Variants in SYNE3 observed in about 807,000 individuals in gnomAD.
The protein encoded by SYNE3 is nesprin-3.
In SYNE3, 100 loss-of-function variants were observed where a neutral mutation model predicts 111.2. The observed-to-expected ratio is 0.90, with a 90% CI of 0.77 to 1.06. SYNE3 has a LOEUF of 1.06. Among genes scored for constraint, SYNE3 ranks in the 50% least tolerant of loss-of-function variants. The probability of loss-of-function intolerance (pLI) is 0.00; values close to 1 mark genes in which losing one functional copy is unlikely to be tolerated. For synonymous variants in SYNE3, 547 were observed against 533.9 expected (o/e 1.02, Z -0.34); for missense variants, 1,160 against 1,240.3 (o/e 0.94, Z 0.97).
At chr14:95,427,299 A>C (rs1285343725) in intron 17 of SYNE3, among the ~76,000 whole-genome samples, 1 of 152,150 alleles carries the variant, frequency 6.6e-6, no homozygotes, top group African/African-American at 2.4e-5. Context: ...CACTTAGCAG[A>C]CTGGGAAACG....
intron 15 of SYNE3, among the ~76,000 whole-genome samples, chr14:95,434,999 A>G (rs1363298626): frequency 6.6e-6 from 1 of 152,210 alleles, no homozygotes; most frequent in Non-Finnish European, 1.5e-5. Flanking sequence ...GGCAAACACA[A>G]TGTCTAGCAC....
intron 4 of SYNE3, among the ~76,000 whole-genome samples, chr14:95,457,763 C>CT (rs926927205): frequency 6.6e-6 from 1 of 152,186 alleles, no homozygotes; most frequent in African/African-American, 2.4e-5. Flanking sequence ...CTCCTGACCA[C>CT]TCCATAAGGG....
chr14:95,458,029 C>T (rs921626008), intron 4 of SYNE3, among the ~76,000 whole-genome samples: 1 of 152,178 alleles, frequency 6.6e-6, no homozygotes, highest in African/African-American at 2.4e-5. Context: ...TTCAGCCAGT[C>T]CCACCAAAGG....
intron 17 of SYNE3, among the ~76,000 whole-genome samples, chr14:95,418,774 T>C (rs1212558526): frequency 3.3e-5 from 5 of 152,072 alleles, no homozygotes; most frequent in Non-Finnish European, 7.4e-5. Context: ...AGCTAATTGT[T>C]TTGTATTTTT....
Position 95,414,390 on chromosome 14 carries a change from C to T in SYNE3, c.*3436G>A, listed in dbSNP as rs797022167. The T allele has an allele frequency of 1.6e-4, 25 of 152,366 alleles. No homozygotes were observed. Among genetic ancestry groups the T allele is most frequent in the African/African-American group, 5.8e-4 (24 of 41,574 alleles). 9.4% of individuals were successfully genotyped at this position (152,366 alleles called of 1,614,324 possible). A position where few individuals can be genotyped will look rare whatever the true frequency, so the allele number is the denominator to read the frequency against. ...GCCGCCCAAGGGGCTCAAGCACCCA[C>T]GAGCACCAAACGAGCACATTCTTTG... On this transcript the variant is annotated 3_prime_UTR_variant, in exon 18 of 18. Transcript: ENST00000682763.
rs566898664 is a variant in SYNE3 at position 95,466,259 on chromosome 14, C to A, written c.318-19G>T. 5.8e-6 allele frequency: 9 copies of A among 1,543,512 alleles called. No homozygotes were observed. The South Asian group carries it at 8.5e-5, about 15-fold the overall frequency. On this transcript the variant is annotated intron_variant, in intron 3 of 17. Transcript: ENST00000682763. ...GATGCGGCTGTGGGCACAGAGACCT[C>A]AAGGTTGTGAGGGAACCAGCCACCT...
intron 17 of SYNE3, among the ~76,000 whole-genome samples, chr14:95,419,517 T>C (rs894236280): frequency 1.1e-4 from 16 of 152,242 alleles, no homozygotes; most frequent in African/African-American, 3.6e-4. Context: ...TTAGTAATCA[T>C]AGCACTAGTA....
At chr14:95,446,568 C>A (rs141088436) in intron 8 of SYNE3, among the ~76,000 whole-genome samples, 1 of 152,056 alleles carries the variant, frequency 6.6e-6, no homozygotes, top group Non-Finnish European at 1.5e-5. Flanking sequence ...AGTGGACACA[C>A]CCCCCAGCGC....
At chr14:95,481,660 G>A (rs2139535884) in intron 1 of SYNE3, among the ~76,000 whole-genome samples, 2 of 152,318 alleles carry the variant, frequency 1.3e-5, no homozygotes, top group South Asian at 2.1e-4. Flanking sequence ...GCAGCCCGCA[G>A]GGGGTCAGCT....
intron 6 of SYNE3, among the ~76,000 whole-genome samples, chr14:95,455,087 T>G (rs1457558277): frequency 6.6e-6 from 1 of 152,182 alleles, no homozygotes; most frequent in Non-Finnish European, 1.5e-5. Context: ...GGCCCAAACC[T>G]GGCTGCCCAA....
intron 3 of SYNE3, among the ~76,000 whole-genome samples, chr14:95,466,876 A>G (rs1436783656): frequency 1.3e-5 from 2 of 152,182 alleles, no homozygotes; most frequent in Admixed American, 6.5e-5. Context: ...GGCTGGGGTG[A>G]AGGAGGAGCT....
At chr14:95,503,662 A>G (rs969158656) in intron 1 of SYNE3, among the ~76,000 whole-genome samples, 1 of 112,760 alleles carries the variant, frequency 8.9e-6, no homozygotes, top group Non-Finnish European at 1.7e-5. Flanking sequence ...TTTGTTGCCC[A>G]GGCTGGAGCA....
At chr14:95,465,815 T>C (rs1888126926) in intron 4 of SYNE3, 116 bp downstream of exon 4, 2 of 1,122,636 alleles carry the variant, frequency 1.8e-6, no homozygotes, top group Non-Finnish European at 2.5e-6. Flanking sequence ...AGTAGAAAGA[T>C]AGATTGATAG....
rs770669593 is a variant in SYNE3, at chr14:95,466,140, T to C, written c.418A>G (p.Ile140Val). ...QKMMVTLEPH[I>V]ELQLGLKEKQ... ...TCCTTCAGGCCCAGCTGGAGCTCGA[T>C]GTGGGGCTCCAGTGTGACCATCATC... The change falls in exon 4 of 18, where the codon ATC becomes GTC. Residue 140 changes from isoleucine to valine, a missense_variant. By Grantham distance (29) the Ile-to-Val change is conservative. Coordinates refer to ENST00000682763, the MANE Select transcript of SYNE3 (RefSeq NM_152592.6). The C allele has an allele frequency of 5.5e-5, 88 of 1,612,234 alleles. No homozygotes were observed. The East Asian group carries it at 1.8e-3, about 34-fold the overall frequency.
At chr14:95,424,002 G>C (rs1031991503) in intron 17 of SYNE3, among the ~76,000 whole-genome samples, 3 of 151,282 alleles carry the variant, frequency 2.0e-5, no homozygotes, top group Non-Finnish European at 4.4e-5. Flanking sequence ...GGCATGGGAG[G>C]TCAGCTTTAG....
rs544437591 is a variant in SYNE3 at position 95,413,037 on chromosome 14, C to T, written c.*4789G>A. On this transcript the variant is annotated 3_prime_UTR_variant, in exon 18 of 18. Transcript: ENST00000682763. Reference sequence around the variant, plus strand: ...GAAAGAAAAACTCAAGTTGTTCCCTCGTATTGTTTCACTTGCCTTTGGTCA... The same window carrying T: ...GAAAGAAAAACTCAAGTTGTTCCCTTGTATTGTTTCACTTGCCTTTGGTCA... 3.3e-5 allele frequency: 5 copies of T among 152,252 alleles called. No homozygotes were observed. The highest frequency in any genetic ancestry group is 1.9e-4 in the East Asian group (1 of 5,178). 9.4% of individuals were successfully genotyped at this position (152,252 alleles called of 1,614,324 possible).
At chr14:95,424,510 A>G (rs1885328660) in intron 17 of SYNE3, among the ~76,000 whole-genome samples, 2 of 152,222 alleles carry the variant, frequency 1.3e-5, no homozygotes, top group Non-Finnish European at 2.9e-5. Context: ...CTTATCCATT[A>G]CAAAAGCAAT....
intron 1 of SYNE3, among the ~76,000 whole-genome samples, chr14:95,496,271 C>A (rs1274405053): frequency 6.6e-6 from 1 of 152,206 alleles, no homozygotes; most frequent in Non-Finnish European, 1.5e-5. Flanking sequence ...ATAAGAGCAT[C>A]CTGCCCTGAC....
intron 6 of SYNE3, among the ~76,000 whole-genome samples, chr14:95,453,629 G>A (rs1275211370): frequency 1.3e-5 from 2 of 152,278 alleles, no homozygotes; most frequent in African/African-American, 4.8e-5. Context: ...GGAACTGGCA[G>A]GTTGAAAATC....
Sources: gnomAD v4.1 joint callset for allele counts (sites outside exome capture counted in the v4.1 genomes callset) on GRCh38, gnomAD v4.1.1 for gene constraint, MANE v1.5 for transcripts, NCBI Gene and HGNC (gene_info 2026-07-23, HGNC 2026-07-21) for gene names.